Variants in SLMAP observed in about 807,000 individuals in gnomAD.
SLMAP encodes sarcolemmal membrane-associated protein.
SLMAP carries 44 observed loss-of-function variants against 128.8 expected under a neutral mutation model. The ratio of observed to expected loss-of-function variants is 0.34; its 90% CI spans 0.27 to 0.44. The LOEUF (loss-of-function observed/expected upper bound fraction) is 0.44, where lower values mean the gene tolerates loss of function less well. Among genes scored for constraint, SLMAP ranks in the 20% least tolerant of loss-of-function variants. The probability of loss-of-function intolerance (pLI) is 1.00; values close to 1 mark genes in which losing one functional copy is unlikely to be tolerated. For synonymous variants in SLMAP, 327 were observed against 348.8 expected (o/e 0.94, Z 0.70); for missense variants, 787 against 985.3 (o/e 0.80, Z 2.69).
At position 57,771,220 on chromosome 3, in the gene SLMAP, T is replaced by TGAGA. The variant is rs377559257; in HGVS notation, c.198+13391_198+13394dup. On this transcript the variant is annotated intron_variant, in intron 2 of 24. Coordinates refer to ENST00000671191, the MANE Select transcript of SLMAP (RefSeq NM_001377540.1). ...TCTCTTTCTCCTCCTCCTCCTCCTT[T>TGAGA]GAGAGAGAGAGAGAGAGAGAGAGGG... is the stretch of plus-strand genomic sequence containing the variant. Among the ~76,000 whole-genome samples, 84 of 135,760 alleles carry TGAGA rather than the reference T, an allele frequency of 6.2e-4. No homozygotes were observed. In the South Asian group the frequency reaches 8.5e-3, roughly 14 times the overall value. 89.1% of individuals were successfully genotyped at this position (135,760 alleles called of 152,430 possible). A position where few individuals can be genotyped will look rare whatever the true frequency, so the allele number is the denominator to read the frequency against.
At position 57,764,167 on chromosome 3, in the gene SLMAP, C is replaced by T. The variant is rs539386675; in HGVS notation, c.198+6318C>T. On this transcript the variant is annotated intron_variant, in intron 2 of 24. Coordinates refer to ENST00000671191, the MANE Select transcript of SLMAP (RefSeq NM_001377540.1). ...GGACCCTTGGGTTATGGAAGGCCTACGAGAGTTCTGAGCAGAGCACTGACA... is the reference window on the plus strand; with the variant it reads ...GGACCCTTGGGTTATGGAAGGCCTATGAGAGTTCTGAGCAGAGCACTGACA... 1.1e-4 allele frequency among the ~76,000 whole-genome samples: 17 copies of T among 152,156 alleles called. No homozygotes were observed. In the East Asian group the frequency reaches 1.9e-3, roughly 17 times the overall value.
Position 57,927,405 on chromosome 3 carries a change from C to T in SLMAP, c.*116C>T, listed in dbSNP as rs747118194. ...TCTCCATGAGAGCGTTCCTTGAGTCCGTACACCGTCCTCCCTCTAGAAGCT... is the reference window on the plus strand; with the variant it reads ...TCTCCATGAGAGCGTTCCTTGAGTCTGTACACCGTCCTCCCTCTAGAAGCT... On this transcript the variant is annotated 3_prime_UTR_variant, in exon 25 of 25. Transcript: ENST00000671191. The T allele has an allele frequency of 9.5e-6, 14 of 1,479,552 alleles. No individual in the cohort carries two copies. The highest frequency in any genetic ancestry group is 1.7e-5 in the Admixed American group (1 of 57,912). The allele number at this position is 1,479,552 out of a possible 1,614,324, so 91.7% of individuals were successfully genotyped here.
intron 8 of SLMAP, 131 bp downstream of exon 8, chr3:57,858,290 G>A (rs1193939574): frequency 3.2e-6 from 2 of 632,550 alleles, no homozygotes; most frequent in Non-Finnish European, 5.7e-6. Flanking sequence ...CTTTTGTGCT[G>A]AGAAACGTCA....
chr3:57,794,536 G>A (rs2086261046), intron 2 of SLMAP, among the ~76,000 whole-genome samples: 1 of 151,962 alleles, frequency 6.6e-6, no homozygotes, highest in Admixed American at 6.6e-5. Context: ...CCTAATTCTA[G>A]AACATTTTCA....
At chr3:57,802,160 G>A (rs1014507723) in intron 2 of SLMAP, among the ~76,000 whole-genome samples, 5 of 151,920 alleles carry the variant, frequency 3.3e-5, no homozygotes, top group East Asian at 1.9e-4. Context: ...GTTACGCAAC[G>A]ATCACTGTAA....
Position 57,922,693 on chromosome 3 carries a change from C to T in SLMAP, c.2311-196C>T, listed in dbSNP as rs558834319. Among the ~76,000 whole-genome samples the T allele has an allele frequency of 2.3e-3, 350 of 152,292 alleles. 2 individuals carry two copies. The highest frequency in any genetic ancestry group is 7.7e-3 in the African/African-American group (320 of 41,560). On this transcript the variant is annotated intron_variant, in intron 22 of 24. Transcript: ENST00000671191. ...CTGCCCGCCTTGGCCTCCCAAAGTG[C>T]TGGGATTACAGGCGTGAGCCACTGC...
intron 2 of SLMAP, among the ~76,000 whole-genome samples, chr3:57,811,784 G>A (rs1004501781): frequency 1.2e-4 from 19 of 152,120 alleles, no homozygotes; most frequent in African/African-American, 4.6e-4. Flanking sequence ...ATCCTAATGG[G>A]TGTGAAGTGG....
At chr3:57,783,404 T>C (rs944420377) in intron 2 of SLMAP, among the ~76,000 whole-genome samples, 60 of 152,302 alleles carry the variant, frequency 3.9e-4, no homozygotes, top group African/African-American at 1.4e-3. Flanking sequence ...AACATGACTG[T>C]TCTGTGTCCT....
At chr3:57,786,539 G>A (rs1184356978) in intron 2 of SLMAP, among the ~76,000 whole-genome samples, 1 of 147,008 alleles carries the variant, frequency 6.8e-6, no homozygotes, top group Non-Finnish European at 1.5e-5. Flanking sequence ...CTTCCCAAGT[G>A]AAAATTATAT....
chr3:57,815,659 G>C (rs2091761319), intron 2 of SLMAP, among the ~76,000 whole-genome samples: 1 of 151,488 alleles, frequency 6.6e-6, no homozygotes, highest in Non-Finnish European at 1.5e-5. Context: ...TTTAATTAGA[G>C]CAGGGTCTCA....
chr3:57,901,614 A>G (rs2096380592), intron 17 of SLMAP: 1 of 152,240 alleles, frequency 6.6e-6, no homozygotes, highest in Non-Finnish European at 1.5e-5. Context: ...ATGGGGATAC[A>G]ACCAGCAAAA....
Position 57,811,715 on chromosome 3 carries a change from G to T in SLMAP, c.199-19668G>T, listed in dbSNP as rs899980397. Among the ~76,000 whole-genome samples the T allele has an allele frequency of 8.5e-5, 13 of 152,062 alleles. No individual in the cohort carries two copies. In the East Asian group the frequency reaches 2.5e-3, roughly 29 times the overall value. On this transcript the variant is annotated intron_variant, in intron 2 of 24. Transcript: ENST00000671191. The stretch of plus-strand genomic sequence containing the variant: ...TTACATTCCACCAACAGTGCATAAG[G>T]GTTCCAATTTCTCCACATCTTTGCC...
intron 19 of SLMAP, among the ~76,000 whole-genome samples, chr3:57,911,626 A>G (rs141801804): frequency 1.1e-3 from 164 of 152,312 alleles, no homozygotes; most frequent in African/African-American, 3.8e-3. Flanking sequence ...GGTATCCCCA[A>G]TACCTGACAG....
At chr3:57,834,520 CAAAATTATCTCAAGAAGTGGA>C in intron 3 of SLMAP, among the ~76,000 whole-genome samples, 1 of 152,136 alleles carries the variant, frequency 6.6e-6, no homozygotes, top group African/African-American at 2.4e-5. Context: ...GTTTTCCTAG[CAAAATTATCTCAAGAAGTGGA>C]AAAATTTGAT....
rs757624918 is a variant in SLMAP, at chr3:57,849,718, A to G, written c.457-36A>G. On this transcript the variant is annotated intron_variant, in intron 5 of 24. Transcript: ENST00000671191. ...GGTTTGTCTTTAATGTTCTTTATGA[A>G]GTGTTTTCTGTTGATACTGTGTCAT... 39 of 1,110,914 alleles carry G rather than the reference A, an allele frequency of 3.5e-5. No individual in the cohort carries two copies. In the Admixed American group the frequency reaches 6.7e-4, roughly 19 times the overall value. The allele number at this position is 1,110,914 out of a possible 1,614,324, so 68.8% of individuals were successfully genotyped here.
At chr3:57,779,594 T>G (rs1242668792) in intron 2 of SLMAP, among the ~76,000 whole-genome samples, 1 of 151,356 alleles carries the variant, frequency 6.6e-6, no homozygotes, top group Non-Finnish European at 1.5e-5. Context: ...AATATAGTAA[T>G]AGAATGATAA....
intron 9 of SLMAP, among the ~76,000 whole-genome samples, chr3:57,861,050 A>G (rs2095033046): frequency 6.6e-6 from 1 of 152,186 alleles, no homozygotes; most frequent in Non-Finnish European, 1.5e-5. Flanking sequence ...CTGAGGAAAT[A>G]AAAGCGTAAC....
chr3:57,849,572 C>T (rs1303472407), intron 5 of SLMAP, among the ~76,000 whole-genome samples, 182 bp from the exon 6 acceptor site: 2 of 152,028 alleles, frequency 1.3e-5, no homozygotes, highest in East Asian at 1.9e-4. Context: ...GATTAAGAAA[C>T]GGCTATATTT....
chr3:57,893,743 A>C (rs896956456), intron 15 of SLMAP, among the ~76,000 whole-genome samples: 3 of 152,184 alleles, frequency 2.0e-5, no homozygotes, highest in African/African-American at 7.2e-5. Flanking sequence ...TAGATGTATT[A>C]GCCTCTTTTA....
Sources: allele counts gnomAD v4.1 joint callset (sites outside exome capture counted in the v4.1 genomes callset), GRCh38; gene constraint gnomAD v4.1.1; transcripts MANE v1.5; gene names NCBI Gene and HGNC (gene_info 2026-07-23, HGNC 2026-07-21).